MAP7: variants seen among roughly 807,000 people sequenced by gnomAD.
The protein encoded by MAP7 is microtubule associated protein 7.
MAP7 carries 52 observed loss-of-function variants against 94.8 expected under a neutral mutation model. That is an observed-to-expected ratio of 0.55 (90% CI 0.44 to 0.69). The LOEUF (loss-of-function observed/expected upper bound fraction) is 0.69. MAP7 is among the 30% of genes least tolerant of loss of function. The pLI is 0.00. For missense variants in MAP7, 940 were observed against 964.6 expected (o/e 0.97, Z 0.34); for synonymous variants, 350 against 357.0 (o/e 0.98, Z 0.22).
Position 136,345,835 on chromosome 6 carries a change from GGGAGTT to G in MAP7, c.2239+15_2239+20del. 1 of 1,583,850 alleles carries G rather than the reference GGGAGTT, an allele frequency of 6.3e-7. No individual in the cohort carries two copies. ...TCAGATATTTCTGATGACTACAGAA[GGGAGTT>G]GGAGGCAAGCTTACCTGCAGTCTGC... On this transcript the variant is annotated intron_variant, in intron 17 of 17. Coordinates refer to ENST00000354570, the MANE Select transcript of MAP7 (RefSeq NM_003980.6).
intron 16 of MAP7, among the ~76,000 whole-genome samples, chr6:136,353,249 A>C (rs557122123): frequency 6.6e-6 from 1 of 152,214 alleles, no homozygotes; most frequent in Admixed American, 6.5e-5. Context: ...CTCCATTTTC[A>C]GGTGTATTTC....
At chr6:136,432,548 G>A (rs775161235) in intron 1 of MAP7, among the ~76,000 whole-genome samples, 1 of 152,038 alleles carries the variant, frequency 6.6e-6, no homozygotes, top group African/African-American at 2.4e-5. Flanking sequence ...AATGTGAAAG[G>A]TTCCCCGATC....
At chr6:136,393,798 ATTT>A (rs61666828) in intron 3 of MAP7, among the ~76,000 whole-genome samples, 42 of 84,430 alleles carry the variant, frequency 5.0e-4, no homozygotes, top group East Asian at 1.4e-3. Flanking sequence ...ATTCAGCAAA[ATTT>A]TTTTTTTTTT....
intron 1 of MAP7, among the ~76,000 whole-genome samples, chr6:136,424,109 G>GT (rs916470521): frequency 1.6e-4 from 24 of 151,626 alleles, no homozygotes; most frequent in Middle Eastern, 6.8e-3. Context: ...GGAGTTTTTT[G>GT]TTTTTTTTAA....
chr6:136,351,533 A>G (rs891898893), intron 16 of MAP7, among the ~76,000 whole-genome samples: 1 of 152,224 alleles, frequency 6.6e-6, no homozygotes, highest in African/African-American at 2.4e-5. Context: ...AGGTTTAATT[A>G]AGTAGGTTAA....
intron 1 of MAP7, among the ~76,000 whole-genome samples, chr6:136,506,037 T>C (rs1266405348): frequency 6.6e-6 from 1 of 152,180 alleles, no homozygotes; most frequent in Non-Finnish European, 1.5e-5. Flanking sequence ...AATTTCTTTG[T>C]TGTTTGTCAA....
At chr6:136,420,775 C>G (rs1213054303) in intron 2 of MAP7, among the ~76,000 whole-genome samples, 1 of 151,372 alleles carries the variant, frequency 6.6e-6, no homozygotes, top group Admixed American at 6.6e-5. Flanking sequence ...CTCTAAATGA[C>G]AAACCAGATT....
At chr6:136,520,680 C>T (rs1826150651) in intron 1 of MAP7, among the ~76,000 whole-genome samples, 1 of 152,156 alleles carries the variant, frequency 6.6e-6, no homozygotes, top group Admixed American at 6.5e-5. Context: ...AGGTTTCCTG[C>T]AGATGGCACC....
intron 1 of MAP7, among the ~76,000 whole-genome samples, chr6:136,543,605 A>G (rs1829495685): frequency 6.6e-6 from 1 of 152,154 alleles, no homozygotes; most frequent in African/African-American, 2.4e-5. Flanking sequence ...GTGAGCTGAG[A>G]TTGTGCCATT....
chr6:136,470,584 C>T (rs776844074), intron 1 of MAP7, among the ~76,000 whole-genome samples: 3 of 152,072 alleles, frequency 2.0e-5, no homozygotes, highest in Non-Finnish European at 2.9e-5. Context: ...AGTCATCCTG[C>T]CTGAGATTTT....
At chr6:136,355,965 C>CA (rs758507095) in intron 16 of MAP7, among the ~76,000 whole-genome samples, 17 of 152,266 alleles carry the variant, frequency 1.1e-4, no homozygotes, top group Admixed American at 1.1e-3. Flanking sequence ...TTGTTAGCAA[C>CA]TGTCTGGTTC....
intron 1 of MAP7, among the ~76,000 whole-genome samples, chr6:136,486,903 G>A (rs1204607794): frequency 6.6e-6 from 1 of 152,038 alleles, no homozygotes; most frequent in Non-Finnish European, 1.5e-5. Flanking sequence ...TTTGACAAAA[G>A]GTAAGTAAAC....
chr6:136,377,683 A>G, intron 7 of MAP7, 72 bp downstream of exon 7: 1 of 1,137,098 alleles, frequency 8.8e-7, no homozygotes, highest in Non-Finnish European at 1.3e-6. Flanking sequence ...AAAAAGTGAG[A>G]TGTGATTAGA....
intron 6 of MAP7, among the ~76,000 whole-genome samples, chr6:136,381,371 G>A (rs1204823423): frequency 6.6e-6 from 1 of 151,834 alleles, no homozygotes; most frequent in African/African-American, 2.4e-5. Flanking sequence ...TAGAGATGGG[G>A]TTTCGCGATG....
intron 1 of MAP7, among the ~76,000 whole-genome samples, chr6:136,434,746 G>A (rs1403924118): frequency 1.3e-5 from 2 of 152,100 alleles, no homozygotes; most frequent in Non-Finnish European, 2.9e-5. Flanking sequence ...ATCCCAGTCT[G>A]AAAAACACCA....
At chr6:136,522,414 T>C (rs946070969) in intron 1 of MAP7, among the ~76,000 whole-genome samples, 1 of 152,094 alleles carries the variant, frequency 6.6e-6, no homozygotes. Flanking sequence ...GAAGCCACCA[T>C]AGAAGGCCAG....
chr6:136,456,815 A>AG (rs1491291638), intron 1 of MAP7, among the ~76,000 whole-genome samples: 1,369 of 91,440 alleles, frequency 0.015, 20 homozygotes, highest in Middle Eastern at 0.041. Context: ...AAGAAGAAGA[A>AG]GAAGAAGGAA....
At chr6:136,403,629 G>A (rs576911961) in intron 3 of MAP7, among the ~76,000 whole-genome samples, 2 of 152,148 alleles carry the variant, frequency 1.3e-5, no homozygotes, top group South Asian at 2.1e-4. Context: ...AGCCTCTACC[G>A]TCATCTGTTT....
intron 1 of MAP7, among the ~76,000 whole-genome samples, chr6:136,473,474 T>C (rs766658213): frequency 1.2e-4 from 19 of 152,230 alleles, no homozygotes; most frequent in Non-Finnish European, 2.2e-4. Flanking sequence ...AATATGTACA[T>C]GTGTATAATA....
Sources: gnomAD v4.1 joint callset for allele counts (sites outside exome capture counted in the v4.1 genomes callset) on GRCh38, gnomAD v4.1.1 for gene constraint, MANE v1.5 for transcripts, NCBI Gene and HGNC (gene_info 2026-07-23, HGNC 2026-07-21) for gene names.